SCN8A: variants seen among roughly 807,000 people sequenced by gnomAD.
SCN8A encodes the protein sodium channel protein type 8 subunit alpha.
A neutral mutation model predicts 184.1 loss-of-function variants in SCN8A; 30 were observed. The ratio of observed to expected loss-of-function variants is 0.16; its 90% CI spans 0.12 to 0.22. The LOEUF is 0.22. SCN8A is among the 10% of genes least tolerant of loss of function. The probability of loss-of-function intolerance (pLI) is 1.00; values close to 1 mark genes in which losing one functional copy is unlikely to be tolerated. For synonymous variants in SCN8A, 852 were observed against 907.0 expected, an observed-to-expected ratio of 0.94 and a Z score of 1.09; for missense variants, 1,057 against 2,498.9, an observed-to-expected ratio of 0.42 and a Z score of 12.30.
chr12:51,740,098 G>T (rs1942394970), intron 12 of SCN8A, among the ~76,000 whole-genome samples: 1 of 152,260 alleles, frequency 6.6e-6, no homozygotes. Flanking sequence ...ATGCCTTTAA[G>T]TGGTTTTCCA....
chr12:51,772,710 GTAGCTCACAC>G (rs1318869094), intron 19 of SCN8A, among the ~76,000 whole-genome samples: 1 of 152,046 alleles, frequency 6.6e-6, no homozygotes, highest in Non-Finnish European at 1.5e-5. Flanking sequence ...GCCGGGCACG[GTAGCTCACAC>G]CTGTAATCCC....
chr12:51,751,934 A>G (rs976093228), intron 14 of SCN8A, among the ~76,000 whole-genome samples: 1 of 152,138 alleles, frequency 6.6e-6, no homozygotes, highest in African/African-American at 2.4e-5. Flanking sequence ...TGATTCCTGC[A>G]TTGCTCCAGC....
intron 14 of SCN8A, among the ~76,000 whole-genome samples, chr12:51,753,602 A>T (rs974099600): frequency 2.0e-5 from 3 of 152,202 alleles, no homozygotes; most frequent in African/African-American, 7.2e-5. Flanking sequence ...CAGAAAGAAC[A>T]CAGAATTGGA....
chr12:51,808,196 A>G lies in SCN8A; in HGVS notation c.*767A>G, dbSNP rs1004841551. ...GACAGGACCCAGCCCTGCACCGTTC[A>G]CTGTATTTGGAGAAAATGGTAAGAG... On this transcript the variant is annotated 3_prime_UTR_variant, in exon 27 of 27. Transcript: ENST00000627620. 1.3e-5 allele frequency: 2 copies of G among 152,700 alleles called. No homozygotes were observed. Among genetic ancestry groups the G allele is most frequent in the Admixed American group, 1.3e-4 (2 of 15,298 alleles). The allele number at this position is 152,700 out of a possible 1,614,324, so 9.5% of individuals were successfully genotyped here.
At chr12:51,599,133 G>A (rs144027162) in intron 1 of SCN8A, among the ~76,000 whole-genome samples, 6 of 152,190 alleles carry the variant, frequency 3.9e-5, no homozygotes, top group African/African-American at 1.4e-4. Context: ...ATTCTAAATC[G>A]CCTGCTTGAC....
At chr12:51,604,636 T>C (rs1413371169) in intron 1 of SCN8A, among the ~76,000 whole-genome samples, 2 of 152,210 alleles carry the variant, frequency 1.3e-5, no homozygotes, top group African/African-American at 4.8e-5. Context: ...CAAGCAATTC[T>C]CCTGCCTCAG....
chr12:51,786,944 C>T (rs900431996), intron 22 of SCN8A, 118 bp downstream of exon 22: 1 of 1,013,552 alleles, frequency 9.9e-7, no homozygotes, highest in Non-Finnish European at 1.4e-6. Context: ...TCAATAAGTC[C>T]AAGAAAACAG....
In SCN8A at chr12:51,698,527, A is replaced by C. The variant is rs151088047; in HGVS notation, c.707-1043A>C. On this transcript the variant is annotated intron_variant, in intron 6 of 26. Coordinates refer to ENST00000627620, the MANE Select transcript of SCN8A (RefSeq NM_001330260.2). ...GGCCGTATCCTATGGATAGCCTGAT[A>C]TCTGGGCACGTAAAGACTCATTTGG... 8.8e-4 allele frequency among the ~76,000 whole-genome samples: 134 copies of C among 152,326 alleles called. 2 individuals are homozygous for C. The East Asian group carries it at 0.025, about 28-fold the overall frequency.
At chr12:51,688,190 A>G (rs905689130) in intron 5 of SCN8A, among the ~76,000 whole-genome samples, 1 of 152,130 alleles carries the variant, frequency 6.6e-6, no homozygotes, top group Non-Finnish European at 1.5e-5. Context: ...ACTTAACACA[A>G]TATTTGCTCT....
In SCN8A at chr12:51,769,800, G is replaced by C. The variant is rs903357218; in HGVS notation, c.3373-68G>C. ...TGGCCCCTCATCCCCACCAGAGGCA[G>C]AGTTCTCAGTGTGGAGTGGGCATGT... On this transcript the variant is annotated intron_variant, in intron 17 of 26. Transcript: ENST00000627620. The C allele has an allele frequency of 3.0e-6, 3 of 995,086 alleles. No homozygotes were observed. The Admixed American group carries it at 6.0e-5, about 20-fold the overall frequency. 61.6% of individuals were successfully genotyped at this position (995,086 alleles called of 1,614,324 possible). A position where few individuals can be genotyped will look rare whatever the true frequency, so the allele number is the denominator to read the frequency against.
intron 12 of SCN8A, among the ~76,000 whole-genome samples, chr12:51,743,692 A>G (rs555074575): frequency 5.9e-5 from 9 of 152,222 alleles, no homozygotes; most frequent in Middle Eastern, 3.4e-3. Context: ...ACCTGTGTTC[A>G]CTCAGGGCCC....
Position 51,721,081 on chromosome 12 carries a change from TTATATATATATATA to T in SCN8A, c.1636-452_1636-439del, listed in dbSNP as rs58356368. ...AAACTCCATCTCAAAAAAAAAAAAA[TTATATATATATATA>T]TATATATATATAATATTTATTTATT... is the stretch of plus-strand genomic sequence containing the variant. On this transcript the variant is annotated intron_variant, in intron 11 of 26. Transcript: ENST00000627620. Among the ~76,000 whole-genome samples, 10 of 86,798 alleles carry T rather than the reference TTATATATATATATA, an allele frequency of 1.2e-4. No homozygotes were observed. The East Asian group carries it at 2.2e-3, about 19-fold the overall frequency. 56.9% of individuals were successfully genotyped at this position (86,798 alleles called of 152,430 possible).
At chr12:51,595,066 CCTTTT>C (rs1939315060) in intron 1 of SCN8A, among the ~76,000 whole-genome samples, 1 of 152,142 alleles carries the variant, frequency 6.6e-6, no homozygotes, top group African/African-American at 2.4e-5. Context: ...AATCAATAAA[CCTTTT>C]CTTAATCAAT....
At chr12:51,729,107 A>G (rs1942201157) in intron 12 of SCN8A, among the ~76,000 whole-genome samples, 1 of 152,198 alleles carries the variant, frequency 6.6e-6, no homozygotes, top group African/African-American at 2.4e-5. Flanking sequence ...AATACAGATA[A>G]TATTTTATAC....
chr12:51,755,230 A>G (rs1448531567), intron 14 of SCN8A, among the ~76,000 whole-genome samples: 1 of 152,228 alleles, frequency 6.6e-6, no homozygotes, highest in Non-Finnish European at 1.5e-5. Flanking sequence ...GAAACGATTT[A>G]AATTTCCTGT....
intron 13 of SCN8A, among the ~76,000 whole-genome samples, chr12:51,750,401 A>G (rs1942578061): frequency 6.6e-6 from 1 of 152,212 alleles, no homozygotes; most frequent in Non-Finnish European, 1.5e-5. Flanking sequence ...AGCTGTAGAA[A>G]GAAAGAGAAA....
intron 11 of SCN8A, among the ~76,000 whole-genome samples, chr12:51,712,263 G>T (rs1941890964): frequency 1.3e-5 from 2 of 152,146 alleles, no homozygotes; most frequent in South Asian, 2.1e-4. Flanking sequence ...GCAAACTGTG[G>T]CTATGGTAGT....
chr12:51,756,928 C>T (rs536766778), intron 14 of SCN8A, among the ~76,000 whole-genome samples: 1 of 152,348 alleles, frequency 6.6e-6, no homozygotes, highest in African/African-American at 2.4e-5. Flanking sequence ...TTATTTTCCT[C>T]CTTCACCAAA....
chr12:51,744,277 C>T (rs184355947), intron 12 of SCN8A, among the ~76,000 whole-genome samples: 3 of 152,260 alleles, frequency 2.0e-5, no homozygotes, highest in East Asian at 1.9e-4. Flanking sequence ...CATTCCAGCC[C>T]GAGCGACAGA....
Sources: gnomAD v4.1 joint callset for allele counts (sites outside exome capture counted in the v4.1 genomes callset) on GRCh38, gnomAD v4.1.1 for gene constraint, MANE v1.5 for transcripts, NCBI Gene and HGNC (gene_info 2026-07-23, HGNC 2026-07-21) for gene names.